Variants in LRRC9 observed in about 807,000 individuals in gnomAD.
LRRC9 encodes the protein leucine-rich repeat-containing protein 9.
In LRRC9, 122 loss-of-function variants were observed where a neutral mutation model predicts 63.2. The observed-to-expected ratio is 1.93, with a 90% CI of 1.67 to 2.24. The LOEUF (loss-of-function observed/expected upper bound fraction) is 2.24, where lower values mean the gene tolerates loss of function less well. Ranked by LOEUF, LRRC9 falls within the 30% of genes most tolerant of loss-of-function variation. The pLI is 0.00. For missense variants in LRRC9, 1,071 were observed against 627.7 expected (o/e 1.71, Z -7.55); for synonymous variants, 366 against 213.1 (o/e 1.72, Z -6.25).
chr14:60,014,125 C>G (rs1426644645), intron 23 of LRRC9, among the ~76,000 whole-genome samples: 1 of 151,926 alleles, frequency 6.6e-6, no homozygotes, highest in Non-Finnish European at 1.5e-5. Context: ...ATATACATAA[C>G]TTACTATAGT....
At position 60,006,621 on chromosome 14, in the gene LRRC9, A is replaced by G. The variant is rs1450737894; in HGVS notation, c.3063+4A>G. 3.2e-6 allele frequency: 2 copies of G among 631,366 alleles called. No homozygotes were observed. The highest frequency in any genetic ancestry group is 1.8e-5 in the African/African-American group (1 of 54,210). 39.1% of individuals were successfully genotyped at this position (631,366 alleles called of 1,614,324 possible). Reference sequence around the variant, plus strand: ...TCAGGAGATGCACAATTTAAAGGTAATCATCTGGGTAGTAATTTTTTTGTT... The same window carrying G: ...TCAGGAGATGCACAATTTAAAGGTAGTCATCTGGGTAGTAATTTTTTTGTT... On this transcript the variant is annotated splice_donor_region_variant and intron_variant, in intron 22 of 31. Coordinates refer to ENST00000445360, the Ensembl canonical transcript of LRRC9.
chr14:60,016,905 A>C, intron 24 of LRRC9, 115 bp downstream of exon 24: 1 of 522,448 alleles, frequency 1.9e-6, no homozygotes, highest in Non-Finnish European at 3.5e-6. Context: ...TAATTCATAA[A>C]ATTATCTACT....
intron 6 of LRRC9, among the ~76,000 whole-genome samples, chr14:59,934,984 A>C (rs1890014650): frequency 2.0e-5 from 3 of 152,084 alleles, no homozygotes; most frequent in Admixed American, 6.6e-5. Flanking sequence ...GAATAAAATG[A>C]AAAATAAAAC....
chr14:60,031,963 AAAT>A lies in LRRC9; in HGVS notation c.3922-26_3922-24del. On this transcript the variant is annotated intron_variant, in intron 28 of 31. Transcript: ENST00000445360. The surrounding 1 kb of genome is among the most constrained non-coding windows in gnomAD (Gnocchi z 4.6). Reference sequence around the variant, plus strand: ...ATATTTTAAGATGTTGAGTCTAACCAAATAATAACTTACTGATTAACTTTTGAA... The same window carrying A: ...ATATTTTAAGATGTTGAGTCTAACCAAATAACTTACTGATTAACTTTTGAA... The A allele has an allele frequency of 1.4e-6, 1 of 690,604 alleles. No individual in the cohort carries two copies. Among genetic ancestry groups the A allele is most frequent in the South Asian group, 1.5e-5 (1 of 64,574 alleles). 42.8% of individuals were successfully genotyped at this position (690,604 alleles called of 1,614,324 possible). A position where few individuals can be genotyped will look rare whatever the true frequency, so the allele number is the denominator to read the frequency against.
At chr14:59,952,104 T>C (rs1244553721) in intron 8 of LRRC9, among the ~76,000 whole-genome samples, 7 of 152,078 alleles carry the variant, frequency 4.6e-5, no homozygotes, top group Admixed American at 4.6e-4. Flanking sequence ...CCAGCCTCGC[T>C]GCCGCCTTGC....
At position 60,027,006 on chromosome 14, in the gene LRRC9, A is replaced by G. The variant is rs1891609385; in HGVS notation, c.3704-878A>G. On this transcript the variant is annotated intron_variant, in intron 27 of 31. Transcript: ENST00000445360. The surrounding 1 kb of genome is among the most constrained non-coding windows in gnomAD (Gnocchi z 4.0). ...TGAGGTACTGGAGGTTAGGATTTTCACATATGAATTGGAGGGGGACACAAT... is the reference window on the plus strand; with the variant it reads ...TGAGGTACTGGAGGTTAGGATTTTCGCATATGAATTGGAGGGGGACACAAT... Among the ~76,000 whole-genome samples the G allele has an allele frequency of 6.6e-6, 1 of 152,018 alleles. No homozygotes were observed. Among genetic ancestry groups the G allele is most frequent in the Admixed American group, 6.6e-5 (1 of 15,212 alleles).
rs1884490213 is a variant in LRRC9, at chr14:59,962,956, AT to A, written c.1211+1914del. 6.6e-6 allele frequency among the ~76,000 whole-genome samples: 1 copy of A among 152,190 alleles called. No individual in the cohort carries two copies. Among genetic ancestry groups the A allele is most frequent in the Non-Finnish European group, 1.5e-5 (1 of 68,028 alleles). On this transcript the variant is annotated intron_variant, in intron 10 of 31. Coordinates refer to ENST00000445360, the Ensembl canonical transcript of LRRC9. The surrounding 1 kb of genome is among the most constrained non-coding windows in gnomAD (Gnocchi z 5.1). Reference sequence around the variant, plus strand: ...AATATATCAAATATATGTTAGCAGAATTTAAAGTACTGTTTTTTAGTTTTAG... The same window carrying A: ...AATATATCAAATATATGTTAGCAGAATTAAAGTACTGTTTTTTAGTTTTAG...
chr14:59,974,397 A>T (rs1885884130), intron 12 of LRRC9, among the ~76,000 whole-genome samples, 179 bp from the exon 13 acceptor site: 1 of 152,138 alleles, frequency 6.6e-6, no homozygotes, highest in South Asian at 2.1e-4. Context: ...TGAATTTAAG[A>T]TAAATAAATG....
chr14:60,014,230 A>T (rs1890495696), intron 23 of LRRC9, among the ~76,000 whole-genome samples: 1 of 152,060 alleles, frequency 6.6e-6, no homozygotes, highest in Non-Finnish European at 1.5e-5. Flanking sequence ...TTTGACTTAA[A>T]TATTTTCACC....
intron 29 of LRRC9, among the ~76,000 whole-genome samples, chr14:60,045,051 CTT>C (rs200934262): frequency 0.66 from 78,617 of 118,724 alleles, 26,282 homozygotes; most frequent in Non-Finnish European, 0.78. Flanking sequence ...CTTTCCTTGT[CTT>C]TTTTTTTTTT....
At chr14:60,015,018 C>T (rs904017612) in intron 23 of LRRC9, among the ~76,000 whole-genome samples, 7 of 151,978 alleles carry the variant, frequency 4.6e-5, no homozygotes, top group Non-Finnish European at 2.9e-5. Flanking sequence ...GTCTATTGTT[C>T]TGTCTTCAAG....
chr14:59,940,412 T>C lies in LRRC9; in HGVS notation c.726+1840T>C, dbSNP rs536953511. On this transcript the variant is annotated intron_variant, in intron 7 of 31. Coordinates refer to ENST00000445360, the Ensembl canonical transcript of LRRC9. ...CTTTGTGATAAACTCTTGAACAGAG[T>C]GCTATTGATTCTTCAGATTTTCACC... 3.9e-5 allele frequency among the ~76,000 whole-genome samples: 6 copies of C among 152,096 alleles called. No homozygotes were observed. In the South Asian group the frequency reaches 1.0e-3, roughly 26 times the overall value.
chr14:59,938,914 C>T lies in LRRC9; in HGVS notation c.726+342C>T, dbSNP rs796797236. 1.4e-5 allele frequency among the ~76,000 whole-genome samples: 2 copies of T among 146,524 alleles called. No individual in the cohort carries two copies. The highest frequency in any genetic ancestry group is 4.1e-4 in the East Asian group (2 of 4,878). ...ATACACATATATATACATATATACA[C>T]ATATGCATATATATACACATATATA... On this transcript the variant is annotated intron_variant, in intron 7 of 31. Coordinates refer to ENST00000445360, the Ensembl canonical transcript of LRRC9. This position sits in a 1 kb window ranked among gnomAD's most constrained non-coding sequence, Gnocchi z 4.2.
chr14:60,040,078 G>T (rs1288160355), intron 29 of LRRC9, among the ~76,000 whole-genome samples: 1 of 152,010 alleles, frequency 6.6e-6, no homozygotes, highest in Non-Finnish European at 1.5e-5. Context: ...GCGGTTTTGA[G>T]TGAGTTTCTG....
At chr14:60,043,670 G>A (rs1441934355) in intron 29 of LRRC9, among the ~76,000 whole-genome samples, 1 of 149,934 alleles carries the variant, frequency 6.7e-6, no homozygotes, top group African/African-American at 2.5e-5. Flanking sequence ...TCTTTTTAAT[G>A]TGTTGTTACA....
chr14:60,046,610 C>T (rs555658379), intron 29 of LRRC9, among the ~76,000 whole-genome samples: 9 of 152,266 alleles, frequency 5.9e-5, no homozygotes, highest in African/African-American at 2.2e-4. Flanking sequence ...TCTGAGTTCT[C>T]TATTCTATTC....
intron 19 of LRRC9, among the ~76,000 whole-genome samples, chr14:60,001,616 A>G (rs181745022): frequency 5.3e-5 from 8 of 152,310 alleles, no homozygotes; most frequent in Non-Finnish European, 7.4e-5. Context: ...TTCTAAAGAA[A>G]AGGAAAGAAA....
intron 6 of LRRC9, among the ~76,000 whole-genome samples, chr14:59,934,143 AAAG>A (rs1889935979): frequency 6.6e-6 from 1 of 152,138 alleles, no homozygotes; most frequent in African/African-American, 2.4e-5. Context: ...ACAGAAAAAA[AAAG>A]AAAAAAAGAA....
At chr14:59,944,914 A>AAG (rs1472686595) in intron 8 of LRRC9, among the ~76,000 whole-genome samples, 170 bp downstream of exon 8, 1 of 151,678 alleles carries the variant, frequency 6.6e-6, no homozygotes, top group Non-Finnish European at 1.5e-5. Context: ...ATTTCAAGTT[A>AAG]AGCTTGCCCC....
Sources: gnomAD v4.1 joint callset for allele counts (sites outside exome capture counted in the v4.1 genomes callset) on GRCh38, gnomAD v4.1.1 for gene constraint, Gnocchi (gnomAD v3.1) non-coding constraint, MANE v1.5 for transcripts, NCBI Gene and HGNC (gene_info 2026-07-23, HGNC 2026-07-21) for gene names.